RAPGEF2: variants seen among roughly 807,000 people sequenced by gnomAD.
RAPGEF2 encodes the protein Rap guanine nucleotide exchange factor 2.
A neutral mutation model predicts 186.7 loss-of-function variants in RAPGEF2; 54 were observed. The ratio of observed to expected loss-of-function variants is 0.29; its 90% CI spans 0.23 to 0.36. RAPGEF2 has a LOEUF of 0.36. Ranked by LOEUF, RAPGEF2 falls within the 10% of genes least tolerant of loss-of-function variation. The pLI is 1.00. For synonymous variants in RAPGEF2, 712 were observed against 705.9 expected, an observed-to-expected ratio of 1.01 and a Z score of -0.14; for missense variants, 1,532 against 2,045.0, an observed-to-expected ratio of 0.75 and a Z score of 4.84.
intron 3 of RAPGEF2, among the ~76,000 whole-genome samples, chr4:159,203,925 A>ATCACG (rs1749704553): frequency 6.6e-6 from 1 of 152,232 alleles, no homozygotes; most frequent in African/African-American, 2.4e-5. Context: ...CTTTACCACG[A>ATCACG]TCACGTGGCT....
chr4:159,112,035 C>T (rs751388740), intron 1 of RAPGEF2, among the ~76,000 whole-genome samples: 16 of 152,186 alleles, frequency 1.1e-4, no homozygotes, highest in Admixed American at 8.5e-4. Context: ...ATTTCTATAA[C>T]TTTGTCATTT....
At chr4:159,299,261 A>G (rs1762370901) in intron 7 of RAPGEF2, among the ~76,000 whole-genome samples, 2 of 152,146 alleles carry the variant, frequency 1.3e-5, no homozygotes, top group South Asian at 4.1e-4. Flanking sequence ...AACCTTGTGC[A>G]TTCTGTTATA....
chr4:159,135,308 A>T (rs903785232), intron 1 of RAPGEF2, among the ~76,000 whole-genome samples: 10 of 152,248 alleles, frequency 6.6e-5, no homozygotes, highest in African/African-American at 2.4e-4. Context: ...AGCCTCCCAA[A>T]GTGCTGGGAT....
At chr4:159,168,557 A>G (rs1329327722) in intron 1 of RAPGEF2, among the ~76,000 whole-genome samples, 2 of 152,030 alleles carry the variant, frequency 1.3e-5, no homozygotes, top group African/African-American at 4.8e-5. Context: ...TTCATCCCCA[A>G]GAGCATGCAG....
At chr4:159,113,136 C>T (rs1329625238) in intron 1 of RAPGEF2, among the ~76,000 whole-genome samples, 2 of 152,060 alleles carry the variant, frequency 1.3e-5, no homozygotes, top group African/African-American at 4.8e-5. Flanking sequence ...AACTGCCACA[C>T]ATTGGAAGAA....
chr4:159,147,807 C>T (rs1335094782), intron 1 of RAPGEF2, among the ~76,000 whole-genome samples: 1 of 152,184 alleles, frequency 6.6e-6, no homozygotes, highest in Non-Finnish European at 1.5e-5. Flanking sequence ...GATACCTAAT[C>T]TCTCAGTGCC....
At chr4:159,233,217 T>A (rs571711619) in intron 4 of RAPGEF2, among the ~76,000 whole-genome samples, 1 of 152,340 alleles carries the variant, frequency 6.6e-6, no homozygotes, top group South Asian at 2.1e-4. Flanking sequence ...TTTCCAGAGC[T>A]AAAAATCTAT....
rs1188318681 is a variant in RAPGEF2 at position 159,226,681 on chromosome 4, A to C, written c.282-12128A>C. 2.0e-5 allele frequency among the ~76,000 whole-genome samples: 3 copies of C among 152,174 alleles called. No individual in the cohort carries two copies. In the East Asian group the frequency reaches 5.8e-4, roughly 29 times the overall value. ...CCCTTTGGTAGTTTTTAGTGTACAGATCATACACATTCTTCATTGTATTTA... is the reference window on the plus strand; with the variant it reads ...CCCTTTGGTAGTTTTTAGTGTACAGCTCATACACATTCTTCATTGTATTTA... On this transcript the variant is annotated intron_variant, in intron 4 of 29. Transcript: ENST00000691494.
chr4:159,177,522 G>A (rs1746561225), intron 1 of RAPGEF2, among the ~76,000 whole-genome samples: 2 of 152,176 alleles, frequency 1.3e-5, no homozygotes, highest in African/African-American at 4.8e-5. Context: ...CTAGGGAGTG[G>A]TGGGGATCAG....
At chr4:159,309,290 A>C (rs1157086701) in intron 8 of RAPGEF2, among the ~76,000 whole-genome samples, 1 of 152,036 alleles carries the variant, frequency 6.6e-6, no homozygotes, top group African/African-American at 2.4e-5. Context: ...TTTCCTGCCT[A>C]ATCTTTTTAT....
Position 159,341,623 on chromosome 4 carries a change from AGTT to A in RAPGEF2, c.2599_2601del (p.Leu867del). ...CTTTGTTCAGATGAAGATGCTCAGG[AGTT>A]GTTGAGAGAGAGTCAAATTTCCCTC... On this transcript the variant is annotated inframe_deletion, in exon 20 of 30. Coordinates refer to ENST00000691494, the MANE Select transcript of RAPGEF2 (RefSeq NM_001394067.2). 6.2e-7 allele frequency: 1 copy of A among 1,613,480 alleles called. No homozygotes were observed. Among genetic ancestry groups the A allele is most frequent in the South Asian group, 1.1e-5 (1 of 90,896 alleles).
rs779647947 is a variant in RAPGEF2, at chr4:159,341,773, G to A, written c.2744G>A (p.Cys915Tyr). 1 of 1,614,022 alleles carries A rather than the reference G, an allele frequency of 6.2e-7. No individual in the cohort carries two copies. Among genetic ancestry groups the A allele is most frequent in the Non-Finnish European group, 8.5e-7 (1 of 1,179,922 alleles). ...DLFKLRSKTS[C>Y]ANLKRFEEVI... is the part of the protein sequence containing the mutation. ...TTTAAACTCAGATCAAAAACCAGCT[G>A]TGCCAACCTGAAGAGATTTGAAGAA... The change falls in exon 20 of 30, where the codon TGT becomes TAT. Residue 915 changes from cysteine to tyrosine, a missense_variant. By Grantham distance (194) the Cys-to-Tyr change is radical (BLOSUM62 -2). This residue lies in a region of RAPGEF2 where 810 missense variants were observed against 1,210.5 expected (regional missense o/e 0.67). Coordinates refer to ENST00000691494, the MANE Select transcript of RAPGEF2 (RefSeq NM_001394067.2).
chr4:159,289,353 G>T (rs1300785578), intron 7 of RAPGEF2, among the ~76,000 whole-genome samples: 1 of 152,150 alleles, frequency 6.6e-6, no homozygotes, highest in Non-Finnish European at 1.5e-5. Flanking sequence ...CAGAAGTTTT[G>T]TCATTAATTT....
At position 159,206,669 on chromosome 4, in the gene RAPGEF2, ACT is replaced by A. The variant is rs1380278577; in HGVS notation, c.198-3828_198-3827del. 1.1e-4 allele frequency among the ~76,000 whole-genome samples: 16 copies of A among 152,344 alleles called. No homozygotes were observed. The East Asian group carries it at 3.1e-3, about 29-fold the overall frequency. ...GAAGCACGTTGTACCCCACACGGAA[ACT>A]CTGCCTGCCTGAGGCATGATTGTAA... is the stretch of plus-strand genomic sequence containing the variant. On this transcript the variant is annotated intron_variant, in intron 3 of 29. Transcript: ENST00000691494.
At chr4:159,336,363 C>T (rs1057160080) in intron 17 of RAPGEF2, among the ~76,000 whole-genome samples, 6 of 152,122 alleles carry the variant, frequency 3.9e-5, no homozygotes, top group Non-Finnish European at 8.8e-5. Context: ...TCCATTGTAT[C>T]ACTCAGTATG....
At chr4:159,159,893 TC>T (rs1471024853) in intron 1 of RAPGEF2, among the ~76,000 whole-genome samples, 2 of 152,208 alleles carry the variant, frequency 1.3e-5, no homozygotes, top group Non-Finnish European at 2.9e-5. Flanking sequence ...AGGTGGATGA[TC>T]CTGTGGGGAA....
intron 7 of RAPGEF2, among the ~76,000 whole-genome samples, chr4:159,265,039 GT>G (rs2110766870): frequency 6.6e-6 from 1 of 152,324 alleles, no homozygotes; most frequent in South Asian, 2.1e-4. Flanking sequence ...TTTGGCAACA[GT>G]TTACTTTTAA....
At chr4:159,320,168 G>C (rs1036020897) in intron 9 of RAPGEF2, among the ~76,000 whole-genome samples, 5 of 152,146 alleles carry the variant, frequency 3.3e-5, no homozygotes, top group Non-Finnish European at 7.3e-5. Context: ...AAAGAAAACA[G>C]AGGCTGGAAG....
intron 4 of RAPGEF2, among the ~76,000 whole-genome samples, chr4:159,229,722 T>C (rs890484642): frequency 5.3e-5 from 8 of 152,232 alleles, no homozygotes; most frequent in Admixed American, 4.6e-4. Flanking sequence ...TAATTCTTAA[T>C]TTTTAAATTG....
Sources: gnomAD v4.1 joint callset for allele counts (sites outside exome capture counted in the v4.1 genomes callset) on GRCh38, gnomAD v4.1.1 for gene constraint, gnomAD v4.1.1 regional missense constraint, MANE v1.5 for transcripts, NCBI Gene and HGNC (gene_info 2026-07-23, HGNC 2026-07-21) for gene names.